TMEM165: variants seen among roughly 807,000 people sequenced by gnomAD.
TMEM165 encodes putative divalent cation/proton antiporter TMEM165.
Under a neutral mutation model 30.0 loss-of-function variants are expected in TMEM165, and 19 were observed. That is an observed-to-expected ratio of 0.63 (90% confidence interval 0.44 to 0.93). The LOEUF (loss-of-function observed/expected upper bound fraction) is 0.93. Ranked by LOEUF, TMEM165 falls within the 40% of genes least tolerant of loss-of-function variation. TMEM165 has a pLI of 0.00. For synonymous variants in TMEM165, 168 were observed against 162.9 expected, an observed-to-expected ratio of 1.03 and a Z score of -0.24; for missense variants, 340 against 417.0, an observed-to-expected ratio of 0.82 and a Z score of 1.61.
intron 1 of TMEM165, chr4:55,399,257 A>G (rs1006943616): frequency 6.6e-6 from 1 of 152,220 alleles, no homozygotes; most frequent in Non-Finnish European, 1.5e-5. Context: ...CAAAGAGGTG[A>G]GTGGGCTTCT....
intron 3 of TMEM165, chr4:55,449,340 C>A (rs573758834): frequency 4.8e-6 from 7 of 1,445,040 alleles, no homozygotes; most frequent in Non-Finnish European, 6.8e-6. Flanking sequence ...AGATTTAGAT[C>A]ATTTTTCCCC....
At chr4:55,427,656 T>TAAC (rs545230029), downstream of TMEM165, among the ~76,000 whole-genome samples, 78 of 152,288 alleles carry the variant, frequency 5.1e-4, no homozygotes, top group African/African-American at 8.4e-4. Context: ...TTTTTTCTAA[T>TAAC]AACAACAGAA....
chr4:55,411,609 TC>T lies in TMEM165; in HGVS notation c.208-3del. 1.2e-6 allele frequency: 2 copies of T among 1,600,242 alleles called. No homozygotes were observed. The highest frequency in any genetic ancestry group is 3.5e-5 in the Admixed American group (2 of 57,198). ...TTTAAGAAGTAACTGATTTTTTTTT[TC>T]CAGAAAATATTTACACCAGCAGCTC... On this transcript the variant is annotated splice_region_variant and splice_polypyrimidine_tract_variant and intron_variant, in intron 1 of 5. Transcript: ENST00000381334.
intron 3 of TMEM165, among the ~76,000 whole-genome samples, chr4:55,451,010 A>G (rs1200739698): frequency 6.6e-6 from 1 of 151,686 alleles, no homozygotes; most frequent in Non-Finnish European, 1.5e-5. Context: ...TCTCATCAGT[A>G]TACAAACATG....
rs1284945371 is a variant in TMEM165 at position 55,424,582 on chromosome 4, G to A, written c.837G>A (p.Leu279=). 1.2e-6 allele frequency: 2 copies of A among 1,613,882 alleles called. No homozygotes were observed. The highest frequency in any genetic ancestry group is 1.3e-5 in the African/African-American group (1 of 74,910). The change falls in exon 5 of 6, where the codon CTG becomes CTA. Residue 279 remains leucine, a synonymous_variant. Transcript: ENST00000381334. ...TGGGTGGAACTGTGGGGCACTGCCT[G>A]TGCACGGGATTGGCAGTAATTGGAG... ...VAVGGTVGHC[L]CTGLAVIGGR...
intron 2 of TMEM165, among the ~76,000 whole-genome samples, chr4:55,414,287 CAT>C (rs1721639329): frequency 1.4e-5 from 1 of 68,996 alleles, no homozygotes; most frequent in Non-Finnish European, 4.1e-5. Flanking sequence ...AAAAAAAGGA[CAT>C]GAAATTTTTA....
intron 3 of TMEM165, chr4:55,434,029 T>C (rs1306723103): frequency 6.6e-6 from 1 of 152,624 alleles, no homozygotes; most frequent in Non-Finnish European, 1.5e-5. Flanking sequence ...CTTTTATTTC[T>C]AAATTATTTG....
At chr4:55,438,555 G>A (rs757673606) in intron 3 of TMEM165, 2 of 1,612,328 alleles carry the variant, frequency 1.2e-6, no homozygotes, top group African/African-American at 2.7e-5. Flanking sequence ...AAGAAAGAAG[G>A]AAAAAAATTG....
At chr4:55,418,749 T>C (rs769054405) in intron 4 of TMEM165, among the ~76,000 whole-genome samples, 7 of 152,112 alleles carry the variant, frequency 4.6e-5, no homozygotes, top group Non-Finnish European at 1.0e-4. Flanking sequence ...GGTTTACTTT[T>C]AAAATATAAA....
intron 3 of TMEM165, chr4:55,452,171 A>C (rs1724517443): frequency 6.6e-6 from 1 of 152,198 alleles, no homozygotes; most frequent in Non-Finnish European, 1.5e-5. Flanking sequence ...AATGCATAGA[A>C]TAGACAAAAG....
chr4:55,415,329 G>A (rs748111033), intron 2 of TMEM165: 1 of 152,152 alleles, frequency 6.6e-6, no homozygotes, highest in African/African-American at 2.4e-5. Flanking sequence ...TGTTAGGCCA[G>A]TGAGAGCCTC....
At chr4:55,438,546 AG>A (rs749371623) in intron 3 of TMEM165, 1 of 1,612,942 alleles carries the variant, frequency 6.2e-7, no homozygotes, top group Non-Finnish European at 8.5e-7. Flanking sequence ...ATCTGTTAGA[AG>A]AAAGAAGGAA....
intron 3 of TMEM165, chr4:55,438,598 G>A (rs912435469): frequency 6.8e-6 from 11 of 1,609,714 alleles, no homozygotes; most frequent in South Asian, 3.3e-5. Context: ...ATCATAAAAC[G>A]CAGTGGAGTA....
rs141404776 is a variant in TMEM165, at chr4:55,451,999, T to C, written c.409-240T>C. Among the ~76,000 whole-genome samples, 467 of 152,300 alleles carry C rather than the reference T, an allele frequency of 3.1e-3. 2 individuals are homozygous for C. The highest frequency in any genetic ancestry group is 0.01 in the African/African-American group (430 of 41,560). On this transcript the variant is annotated intron_variant, in intron 3 of 3. Transcript: ENST00000608091. ...TGCTGCCTATTTAACTCAAGTTTTA[T>C]ATAGATTTTTGACTCTTTTCATTCT...
intron 3 of TMEM165, among the ~76,000 whole-genome samples, chr4:55,441,598 G>A (rs1723372256): frequency 6.6e-6 from 1 of 152,182 alleles, no homozygotes; most frequent in South Asian, 2.1e-4. Context: ...GATGGAGCTG[G>A]AGGCCATTAT....
chr4:55,411,907 CACTG>C (rs1411857627), intron 2 of TMEM165, 68 bp downstream of exon 2: 1 of 1,457,860 alleles, frequency 6.9e-7, no homozygotes, highest in African/African-American at 1.4e-5. Flanking sequence ...GACATGGAGT[CACTG>C]AGTCATTAAC....
At chr4:55,396,479 C>A in intron 1 of TMEM165, 83 bp downstream of exon 1, 1 of 1,189,784 alleles carries the variant, frequency 8.4e-7, no homozygotes, top group Non-Finnish European at 1.1e-6. Flanking sequence ...AAGCGCCGCA[C>A]TCCGCCGGCC....
At chr4:55,445,386 G>A (rs1723724435) in intron 3 of TMEM165, among the ~76,000 whole-genome samples, 1 of 151,938 alleles carries the variant, frequency 6.6e-6, no homozygotes, top group African/African-American at 2.4e-5. Context: ...CCTCTAATCT[G>A]TGGCATGTCA....
rs1433235992 is a variant in TMEM165, at chr4:55,401,503, T to C, written c.207+5107T>C. Among the ~76,000 whole-genome samples the C allele has an allele frequency of 4.6e-5, 7 of 150,838 alleles. 1 individual carries two copies. The highest frequency in any genetic ancestry group is 1.7e-4 in the African/African-American group (7 of 40,122). ...AATGACTCTGGTTGCATAGCACTTC[T>C]AATAAAGCCACAAAATCATTACCTG... On this transcript the variant is annotated intron_variant, in intron 1 of 5. Transcript: ENST00000381334.
Sources: allele counts gnomAD v4.1 joint callset (sites outside exome capture counted in the v4.1 genomes callset), GRCh38; gene constraint gnomAD v4.1.1; transcripts MANE v1.5; gene names NCBI Gene and HGNC (gene_info 2026-07-23, HGNC 2026-07-21).